Variants in NFKBIZ observed in about 807,000 individuals in gnomAD.
NFKBIZ encodes NFKB inhibitor zeta, also known as NF-kappa-B inhibitor zeta.
In NFKBIZ, 19 loss-of-function variants were observed where a neutral mutation model predicts 76.8. The observed-to-expected ratio is 0.25, with a 90% confidence interval of 0.17 to 0.36. The LOEUF (loss-of-function observed/expected upper bound fraction) is 0.36, where lower values mean the gene tolerates loss of function less well. NFKBIZ is among the 10% of genes least tolerant of loss of function. The pLI is 1.00. For missense variants in NFKBIZ, 829 were observed against 910.9 expected, an observed-to-expected ratio of 0.91 and a Z score of 1.16; for synonymous variants, 368 against 354.8, an observed-to-expected ratio of 1.04 and a Z score of -0.42.
chr3:101,840,830 C>T (rs569458540), intron 2 of NFKBIZ, among the ~76,000 whole-genome samples: 25 of 152,284 alleles, frequency 1.6e-4, no homozygotes, highest in Non-Finnish European at 2.6e-4. Context: ...ACATAGTGGA[C>T]GACTCACTCA....
intron 2 of NFKBIZ, among the ~76,000 whole-genome samples, chr3:101,840,841 C>T (rs1381887715): frequency 6.6e-6 from 1 of 152,208 alleles, no homozygotes; most frequent in Non-Finnish European, 1.5e-5. Flanking sequence ...GACTCACTCA[C>T]ACCTAGTGGG....
At chr3:101,849,440 G>A, upstream of NFKBIZ, 1 of 410,982 alleles carries the variant, frequency 2.4e-6, no homozygotes, top group South Asian at 1.1e-4. Flanking sequence ...CACCGCCAAT[G>A]GCCGGGCCGG....
chr3:101,857,006 A>C, intron 9 of NFKBIZ, 67 bp from the exon 10 acceptor site: 1 of 1,133,380 alleles, frequency 8.8e-7, no homozygotes, highest in Non-Finnish European at 1.3e-6. Context: ...ACTGGGTGAA[A>C]AGTGTATTCT....
intron 2 of NFKBIZ, among the ~76,000 whole-genome samples, chr3:101,842,022 T>C (rs922299625): frequency 4.6e-5 from 7 of 152,270 alleles, no homozygotes; most frequent in Admixed American, 1.3e-4. Context: ...TGGGAGCTTA[T>C]AGTGGAATAG....
At chr3:101,832,217 G>A (rs1942656406) in intron 2 of NFKBIZ, among the ~76,000 whole-genome samples, 1 of 152,120 alleles carries the variant, frequency 6.6e-6, no homozygotes, top group African/African-American at 2.4e-5. Flanking sequence ...GGATACAGGT[G>A]TGAGCCACCA....
chr3:101,840,306 A>G (rs138475662), intron 2 of NFKBIZ, among the ~76,000 whole-genome samples: 6 of 152,320 alleles, frequency 3.9e-5, no homozygotes, highest in East Asian at 3.9e-4. Flanking sequence ...AAAGTTCATC[A>G]TTATAAATAG....
chr3:101,837,192 C>T (rs1942731101), intron 2 of NFKBIZ, among the ~76,000 whole-genome samples: 1 of 152,126 alleles, frequency 6.6e-6, no homozygotes, highest in Non-Finnish European at 1.5e-5. Context: ...ACTCTCTTTC[C>T]TTTTTCTAAG....
chr3:101,836,650 G>A (rs182612126), intron 2 of NFKBIZ, among the ~76,000 whole-genome samples: 18 of 152,300 alleles, frequency 1.2e-4, no homozygotes, highest in Middle Eastern at 3.4e-3. Context: ...TAATTAGATT[G>A]CTGGATATTT....
Position 101,853,741 on chromosome 3 carries a change from A to G in NFKBIZ, c.1215A>G (p.Gly405=). The change falls in exon 5 of 12, where the codon GGA becomes GGG. Residue 405 remains glycine (G), a synonymous_variant. Transcript: ENST00000326172. ...SNTSLPFSNM[G]NPMNTTQLGK... is the part of the protein sequence containing the mutation. ...CTTCACTGCCATTCTCAAACATGGG[A>G]AATCCAATGAACACCACACAGTTAG... 1.2e-6 allele frequency: 2 copies of G among 1,614,262 alleles called. No individual in the cohort carries two copies. Among genetic ancestry groups the G allele is most frequent in the Non-Finnish European group, 1.7e-6 (2 of 1,180,052 alleles).
Position 101,852,152 on chromosome 3 carries a change from A to G in NFKBIZ, c.357A>G (p.Ser119=). ...TTCAAGGTGTTCGGGTAAAGAACTC[A>G]GTGAAGGAACTCCTGTTGCACATCC... is the stretch of plus-strand genomic sequence containing the variant. ...GPFQGVRVKN[S]VKELLLHIRS... The change falls in exon 2 of 12, where the codon TCA becomes TCG. Residue 119 remains serine (S), a synonymous_variant. Transcript: ENST00000326172. 6.2e-7 allele frequency: 1 copy of G among 1,614,234 alleles called. No individual in the cohort carries two copies. Among genetic ancestry groups the G allele is most frequent in the Non-Finnish European group, 8.5e-7 (1 of 1,180,040 alleles).
chr3:101,855,805 C>T lies in NFKBIZ; in HGVS notation c.1727C>T (p.Pro576Leu), dbSNP rs375865239. 3.1e-5 allele frequency: 50 copies of T among 1,613,944 alleles called. No homozygotes were observed. Among genetic ancestry groups the T allele is most frequent in the Non-Finnish European group, 4.2e-5 (49 of 1,179,996 alleles). The change falls in exon 9 of 12, where the codon CCT (proline) becomes CTT (leucine). Residue 576 changes from proline to leucine, a missense_variant. Coordinates refer to ENST00000326172, the MANE Select transcript of NFKBIZ (RefSeq NM_031419.4). ...CATGAACTCCAGAGAAATCAACAGC[C>T]TCATTCACCTGAAGTTCAGGAGCTT... ...VVHELQRNQQ[P>L]HSPEVQELLL...
intron 5 of NFKBIZ, 122 bp from the exon 6 acceptor site, chr3:101,854,456 G>A (rs1943016908): frequency 2.7e-5 from 17 of 626,248 alleles, no homozygotes; most frequent in Non-Finnish European, 4.8e-5. Flanking sequence ...GCTTTGTAAT[G>A]TTTCATTTGA....
upstream of NFKBIZ, among the ~76,000 whole-genome samples, chr3:101,845,608 T>G (rs2107406316): frequency 6.6e-6 from 1 of 152,252 alleles, no homozygotes; most frequent in African/African-American, 2.4e-5. Context: ...AGCCCAGCCC[T>G]CAATTCCTTT....
intron 2 of NFKBIZ, among the ~76,000 whole-genome samples, chr3:101,829,975 T>G (rs1423371756): frequency 6.6e-6 from 1 of 152,136 alleles, no homozygotes; most frequent in East Asian, 1.9e-4. Context: ...TATGAATACA[T>G]CTAAGAGGGG....
At chr3:101,841,980 G>A (rs1942790653) in intron 2 of NFKBIZ, among the ~76,000 whole-genome samples, 1 of 152,174 alleles carries the variant, frequency 6.6e-6, no homozygotes, top group African/African-American at 2.4e-5. Context: ...CTAAGTAACA[G>A]GTACTTGGCT....
intron 2 of NFKBIZ, among the ~76,000 whole-genome samples, chr3:101,838,033 T>C (rs939165982): frequency 6.6e-6 from 1 of 152,210 alleles, no homozygotes; most frequent in South Asian, 2.1e-4. Flanking sequence ...ATCAGTTTGA[T>C]TGCATACGTG....
rs1208117080 is a variant in NFKBIZ, at chr3:101,857,296, A to T, written c.1940A>T (p.Tyr647Phe). Reference protein sequence around the residue: ...SCLSFVNAKAYNGNTALHVAA... With the variant: ...SCLSFVNAKAFNGNTALHVAA... ...AATTCATTTCTTTGTCTTCAGGCTT[A>T]CAATGGCAACACTGCCCTCCATGTT... The change falls in exon 11 of 12, where the codon TAC (tyrosine) becomes TTC (phenylalanine). Residue 647 changes from tyrosine to phenylalanine, a missense_variant. Physicochemically the swap from Tyr to Phe is conservative, Grantham distance 22. Around this residue, in one of 4 missense-constraint regions of NFKBIZ, gnomAD observed 272 missense variants for 384.2 expected, o/e 0.71. Coordinates refer to ENST00000326172, the MANE Select transcript of NFKBIZ (RefSeq NM_031419.4). 1 of 1,614,076 alleles carries T rather than the reference A, an allele frequency of 6.2e-7. No individual in the cohort carries two copies. The highest frequency in any genetic ancestry group is 8.5e-7 in the Non-Finnish European group (1 of 1,180,032).
chr3:101,857,555 T>C (rs1943068994), intron 11 of NFKBIZ, 96 bp downstream of exon 11: 5 of 1,557,260 alleles, frequency 3.2e-6, no homozygotes, highest in Non-Finnish European at 4.3e-6. Context: ...CAGCTGTTGC[T>C]CTTCAGGTGG....
intron 1 of NFKBIZ, among the ~76,000 whole-genome samples, chr3:101,851,281 G>T (rs555885166): frequency 1.3e-5 from 2 of 152,338 alleles, no homozygotes; most frequent in African/African-American, 4.8e-5. Flanking sequence ...ATCAGAAGTG[G>T]AGTACTGTAC....
Sources: allele counts gnomAD v4.1 joint callset (sites outside exome capture counted in the v4.1 genomes callset), GRCh38; gene constraint gnomAD v4.1.1; regional missense constraint gnomAD v4.1.1; transcripts MANE v1.5; gene names NCBI Gene and HGNC (gene_info 2026-07-23, HGNC 2026-07-21).